The following IL1RAPL1 variants were observed in gnomAD, a reference collection of about 807,000 sequenced individuals.
IL1RAPL1 encodes the protein interleukin-1 receptor accessory protein-like 1.
A neutral mutation model predicts 48.4 loss-of-function variants in IL1RAPL1; 3 were observed. The ratio of observed to expected loss-of-function variants is 0.06; its 90% CI spans 0.03 to 0.16. The LOEUF is 0.16. Ranked by LOEUF, IL1RAPL1 falls within the 10% of genes least tolerant of loss-of-function variation. The pLI, the probability that IL1RAPL1 is intolerant of heterozygous loss-of-function variation, is 1.00. For synonymous variants in IL1RAPL1, 185 were observed against 187.7 expected (o/e 0.99, Z 0.12); for missense variants, 349 against 530.6 (o/e 0.66, Z 3.36).
At chrX:29,112,593 C>T (rs1260801668) in intron 2 of IL1RAPL1, among the ~76,000 whole-genome samples, 1 of 109,294 alleles carries the variant, frequency 9.1e-6, no homozygotes, top group Non-Finnish European at 1.9e-5. Context: ...AGAATAGAAC[C>T]AGCTGCTATA....
At chrX:28,909,094 T>A (rs1923294463) in intron 2 of IL1RAPL1, among the ~76,000 whole-genome samples, 2 of 111,662 alleles carry the variant, frequency 1.8e-5, no homozygotes, top group Non-Finnish European at 3.8e-5. Context: ...TTAAAGTGGT[T>A]TCTTGTAAAC....
chrX:29,427,320 C>A (rs771097078), intron 5 of IL1RAPL1, among the ~76,000 whole-genome samples: 27 of 112,353 alleles, frequency 2.4e-4, no homozygotes, highest in Middle Eastern at 4.6e-3. Flanking sequence ...AGAGGTGTGA[C>A]AAACCCTATT....
chrX:29,853,042 CTG>C (rs1376687719), intron 6 of IL1RAPL1, among the ~76,000 whole-genome samples: 1 of 110,695 alleles, frequency 9.0e-6, no homozygotes, highest in African/African-American at 3.3e-5. Flanking sequence ...AGATAAGAAA[CTG>C]TTTCATGCAG....
intron 6 of IL1RAPL1, among the ~76,000 whole-genome samples, chrX:29,801,461 T>A (rs1287719187): frequency 9.0e-6 from 1 of 110,695 alleles, no homozygotes; most frequent in Non-Finnish European, 1.9e-5. Context: ...CTTTTGGAGG[T>A]CATTTTATCA....
At position 29,624,940 on chromosome X, in the gene IL1RAPL1, C is replaced by G. The variant is rs577676249; in HGVS notation, c.704-43490C>G. ...CAAGATGGCCACTTGAAGGTATGCCCTAAGACAGGGGTCTGCAAACTTTTC... is the reference window on the plus strand; with the variant it reads ...CAAGATGGCCACTTGAAGGTATGCCGTAAGACAGGGGTCTGCAAACTTTTC... On this transcript the variant is annotated intron_variant, in intron 5 of 10. Coordinates refer to ENST00000378993, the MANE Select transcript of IL1RAPL1 (RefSeq NM_014271.4). Among the ~76,000 whole-genome samples the G allele has an allele frequency of 2.4e-3, 265 of 111,763 alleles. 1 individual carries two copies. Among genetic ancestry groups the G allele is most frequent in the African/African-American group, 8.2e-3 (252 of 30,800 alleles).
rs1298072558 is a variant in IL1RAPL1 at position 28,948,286 on chromosome X, A to G, written c.82+158861A>G. On this transcript the variant is annotated intron_variant, in intron 2 of 10. Coordinates refer to ENST00000378993, the MANE Select transcript of IL1RAPL1 (RefSeq NM_014271.4). ...TTCTTCTAATATTAATAAAGTGCCT[A>G]CTTCTGGATACATCAGCTGTGAAAC... 2.7e-5 allele frequency among the ~76,000 whole-genome samples: 3 copies of G among 111,550 alleles called. No individual in the cohort carries two copies. The South Asian group carries it at 1.1e-3, about 41-fold the overall frequency.
At chrX:29,766,403 C>A (rs1928901328) in intron 6 of IL1RAPL1, among the ~76,000 whole-genome samples, 2 of 84,654 alleles carry the variant, frequency 2.4e-5, no homozygotes, top group Admixed American at 1.4e-4. Flanking sequence ...ATATATATAT[C>A]CAAATATATA....
chrX:29,008,245 C>G (rs902170645), intron 2 of IL1RAPL1, among the ~76,000 whole-genome samples: 3 of 110,405 alleles, frequency 2.7e-5, no homozygotes, highest in African/African-American at 9.9e-5. Context: ...TCTCGGCTCA[C>G]TGCAAGCTCC....
At chrX:29,896,198 ATGAT>A (rs929432258) in intron 6 of IL1RAPL1, among the ~76,000 whole-genome samples, 2 of 112,395 alleles carry the variant, frequency 1.8e-5, no homozygotes, top group Non-Finnish European at 3.8e-5. Context: ...GTTTAAGGAA[ATGAT>A]TGATTGGGAG....
chrX:29,950,670 C>CTTTTTT (rs749918523), intron 9 of IL1RAPL1, among the ~76,000 whole-genome samples: 1 of 96,599 alleles, frequency 1.0e-5, no homozygotes, highest in Non-Finnish European at 2.1e-5. Context: ...ATCCTAAGGC[C>CTTTTTT]TTTTTTTTTT....
chrX:29,540,995 A>G (rs1315698687), intron 5 of IL1RAPL1, among the ~76,000 whole-genome samples: 1 of 112,073 alleles, frequency 8.9e-6, no homozygotes, highest in Non-Finnish European at 1.9e-5. Flanking sequence ...TAAACAGACA[A>G]CCTACAGAAT....
At chrX:29,340,718 C>G (rs1460574162) in intron 3 of IL1RAPL1, among the ~76,000 whole-genome samples, 1 of 111,472 alleles carries the variant, frequency 9.0e-6, no homozygotes, top group Non-Finnish European at 1.9e-5. Flanking sequence ...CCTTTTCCTT[C>G]TTCCTTTCTG....
At chrX:29,138,692 G>A (rs1929181858) in intron 2 of IL1RAPL1, among the ~76,000 whole-genome samples, 1 of 105,985 alleles carries the variant, frequency 9.4e-6, no homozygotes, top group Admixed American at 1.0e-4. Flanking sequence ...CAGGAGAATC[G>A]CTTGAACCCG....
intron 2 of IL1RAPL1, among the ~76,000 whole-genome samples, chrX:29,156,889 G>A (rs142268526): frequency 0.015 from 1,680 of 111,728 alleles, 18 homozygotes; most frequent in Non-Finnish European, 0.02. Flanking sequence ...AACACAGGTC[G>A]AAGGGTTTTG....
At chrX:29,058,616 G>A (rs1280359314) in intron 2 of IL1RAPL1, among the ~76,000 whole-genome samples, 2 of 111,810 alleles carry the variant, frequency 1.8e-5, no homozygotes, top group Admixed American at 1.9e-4. Context: ...GGCATTCCAG[G>A]TACTACAGTC....
chrX:29,784,282 C>A (rs140850819), intron 6 of IL1RAPL1, among the ~76,000 whole-genome samples: 3,429 of 111,231 alleles, frequency 0.031, 126 homozygotes, highest in African/African-American at 0.11. Flanking sequence ...TTTTATGTGA[C>A]TAAGTACCCT....
intron 5 of IL1RAPL1, among the ~76,000 whole-genome samples, chrX:29,479,513 C>T (rs908259066): frequency 2.1e-4 from 23 of 107,925 alleles, no homozygotes; most frequent in African/African-American, 7.5e-4. Context: ...CTACCTATAG[C>T]AATTTATTTA....
chrX:28,696,204 C>T (rs1935229172), intron 1 of IL1RAPL1, among the ~76,000 whole-genome samples: 1 of 111,139 alleles, frequency 9.0e-6, no homozygotes, highest in African/African-American at 3.3e-5. Context: ...CCTCTTGATG[C>T]AAACCAGCCA....
intron 2 of IL1RAPL1, among the ~76,000 whole-genome samples, chrX:28,938,303 T>C (rs771704275): frequency 1.4e-4 from 16 of 111,450 alleles, no homozygotes; most frequent in African/African-American, 5.2e-4. Context: ...AGCATGGTAC[T>C]GGTACAAAAA....
Sources: gnomAD v4.1 joint callset for allele counts (sites outside exome capture counted in the v4.1 genomes callset) on GRCh38, gnomAD v4.1.1 for gene constraint, MANE v1.5 for transcripts, NCBI Gene and HGNC (gene_info 2026-07-23, HGNC 2026-07-21) for gene names.